OSBPL3: variants seen among roughly 807,000 people sequenced by gnomAD.
OSBPL3 encodes the protein oxysterol-binding protein-related protein 3.
A neutral mutation model predicts 120.1 loss-of-function variants in OSBPL3; 65 were observed. The observed-to-expected ratio is 0.54, with a 90% CI of 0.44 to 0.67. The LOEUF is 0.67. OSBPL3 is among the 30% of genes least tolerant of loss of function. OSBPL3 has a pLI of 0.00. For synonymous variants in OSBPL3, 416 were observed against 402.6 expected, an observed-to-expected ratio of 1.03 and a Z score of -0.40; for missense variants, 1,004 against 1,082.1, an observed-to-expected ratio of 0.93 and a Z score of 1.01.
rs1043435191 is a variant in OSBPL3, at chr7:24,824,904, C to T, written c.1885-4666G>A. 1.3e-5 allele frequency among the ~76,000 whole-genome samples: 2 copies of T among 152,064 alleles called. No homozygotes were observed. Among genetic ancestry groups the T allele is most frequent in the African/African-American group, 2.4e-5 (1 of 41,402 alleles). On this transcript the variant is annotated intron_variant, in intron 16 of 22. Transcript: ENST00000313367. This position sits in a 1 kb window ranked among gnomAD's most constrained non-coding sequence, Gnocchi z 4.9. ...ACCATGCAGATATCTGAGAGAAGCA[C>T]GTCCCAGGCAGGGGACACAGCAAAG... is the stretch of plus-strand genomic sequence containing the variant.
chr7:24,828,241 G>A (rs1795926735), intron 16 of OSBPL3, among the ~76,000 whole-genome samples: 2 of 152,236 alleles, frequency 1.3e-5, no homozygotes, highest in Non-Finnish European at 1.5e-5. Flanking sequence ...AGCCAGGCTT[G>A]TCTCGAACTC....
intron 18 of OSBPL3, 91 bp downstream of exon 18, chr7:24,816,519 C>G: frequency 2.5e-6 from 2 of 798,008 alleles, no homozygotes; most frequent in Non-Finnish European, 4.4e-6. Flanking sequence ...CTCAATGCAA[C>G]TGCCGGGGGC....
intron 1 of OSBPL3, among the ~76,000 whole-genome samples, chr7:24,917,505 A>T (rs1158872544): frequency 6.8e-6 from 1 of 147,086 alleles, no homozygotes; most frequent in Non-Finnish European, 1.5e-5. Context: ...AGGGAGTTTC[A>T]TCAATTTTTT....
At chr7:24,917,401 C>CATACATATATAT (rs370274395) in intron 1 of OSBPL3, among the ~76,000 whole-genome samples, 26 of 100,050 alleles carry the variant, frequency 2.6e-4, no homozygotes, top group African/African-American at 9.6e-4. Context: ...ATATTTGTAA[C>CATACATATATAT]ATATATATAT....
Position 24,932,681 on chromosome 7 carries a change from C to A in OSBPL3, c.-149-40060G>T, listed in dbSNP as rs771813024. 6.6e-6 allele frequency among the ~76,000 whole-genome samples: 1 copy of A among 152,174 alleles called. No individual in the cohort carries two copies. Among genetic ancestry groups the A allele is most frequent in the Non-Finnish European group, 1.5e-5 (1 of 68,028 alleles). Reference sequence around the variant, plus strand: ...TCCCAAGACACCAAATCCAATAGTACTTCGATCTTGCATTTTCCAGCCTCC... The same window carrying A: ...TCCCAAGACACCAAATCCAATAGTAATTCGATCTTGCATTTTCCAGCCTCC... On this transcript the variant is annotated intron_variant, in intron 1 of 22. Transcript: ENST00000313367. The surrounding 1 kb of genome is among the most constrained non-coding windows in gnomAD (Gnocchi z 5.6).
chr7:24,879,930 T>A lies in OSBPL3; in HGVS notation c.97-7861A>T, dbSNP rs10229012. ...TTTGTTAAATATTCCCCTAATTGTATCAAGCCCCTTAAAGCTACAAACAGC... is the reference window on the plus strand; with the variant it reads ...TTTGTTAAATATTCCCCTAATTGTAACAAGCCCCTTAAAGCTACAAACAGC... On this transcript the variant is annotated intron_variant, in intron 2 of 22. Coordinates refer to ENST00000313367, the MANE Select transcript of OSBPL3 (RefSeq NM_015550.4). This position sits in a 1 kb window ranked among gnomAD's most constrained non-coding sequence, Gnocchi z 5.6. Among the ~76,000 whole-genome samples the A allele has an allele frequency of 0.13, 19,168 of 152,162 alleles. 1,888 individuals carry two copies. Among genetic ancestry groups the A allele is most frequent in the East Asian group, 0.54 (2,771 of 5,158 alleles).
intron 17 of OSBPL3, 151 bp from the exon 18 acceptor site, chr7:24,816,839 G>A (rs35967932): frequency 0.18 from 113,017 of 621,728 alleles, 11,877 homozygotes; most frequent in Non-Finnish European, 0.21. Context: ...TAAAATATAA[G>A]TACCAACCCC....
At chr7:24,935,156 T>C (rs1027926511) in intron 1 of OSBPL3, among the ~76,000 whole-genome samples, 1 of 152,044 alleles carries the variant, frequency 6.6e-6, no homozygotes, top group East Asian at 1.9e-4. Context: ...AAAACAGGCA[T>C]GAGGGAGGCT....
intron 1 of OSBPL3, among the ~76,000 whole-genome samples, chr7:24,957,950 T>C (rs1815268753): frequency 2.0e-5 from 3 of 152,088 alleles, no homozygotes; most frequent in African/African-American, 4.8e-5. Flanking sequence ...GACTGTTCCA[T>C]ATCAATAAGG....
At position 24,969,000 on chromosome 7, in the gene OSBPL3, G is replaced by A. The variant is rs1363706353; in HGVS notation, c.-150+10886C>T. The stretch of plus-strand genomic sequence containing the variant: ...ATCATTTTGTGAATTTTGCATATCT[G>A]TAGGATAAAGTTCTTAGGACTGTTA... On this transcript the variant is annotated intron_variant, in intron 1 of 22. Coordinates refer to ENST00000313367, the MANE Select transcript of OSBPL3 (RefSeq NM_015550.4). This position sits in a 1 kb window ranked among gnomAD's most constrained non-coding sequence, Gnocchi z 4.6. Among the ~76,000 whole-genome samples the A allele has an allele frequency of 6.6e-6, 1 of 152,156 alleles. No homozygotes were observed. The highest frequency in any genetic ancestry group is 1.5e-5 in the Non-Finnish European group (1 of 68,022).
intron 16 of OSBPL3, among the ~76,000 whole-genome samples, chr7:24,828,615 AAAAAAAG>A (rs1477162781): frequency 7.7e-6 from 1 of 129,132 alleles, no homozygotes; most frequent in Non-Finnish European, 1.5e-5. Context: ...TGAAAAAAAA[AAAAAAAG>A]AAAAAAAAAA....
chr7:24,872,120 T>C lies in OSBPL3; in HGVS notation c.97-51A>G, dbSNP rs1400070385. On this transcript the variant is annotated intron_variant, in intron 2 of 22. Coordinates refer to ENST00000313367, the MANE Select transcript of OSBPL3 (RefSeq NM_015550.4). This position sits in a 1 kb window ranked among gnomAD's most constrained non-coding sequence, Gnocchi z 4.1. ...AAATGTCTATCTTTTTGAAAAATAATAATGGTAAAAAGCACTGCATCCTGT... is the reference window on the plus strand; with the variant it reads ...AAATGTCTATCTTTTTGAAAAATAACAATGGTAAAAAGCACTGCATCCTGT... 3.1e-6 allele frequency: 4 copies of C among 1,287,604 alleles called. No individual in the cohort carries two copies. Among genetic ancestry groups the C allele is most frequent in the Non-Finnish European group, 4.5e-6 (4 of 884,072 alleles). The allele number at this position is 1,287,604 out of a possible 1,614,324, so 79.8% of individuals were successfully genotyped here. A position where few individuals can be genotyped will look rare whatever the true frequency, so the allele number is the denominator to read the frequency against.
chr7:24,838,468 C>T (rs977213016), intron 14 of OSBPL3, among the ~76,000 whole-genome samples: 1 of 152,184 alleles, frequency 6.6e-6, no homozygotes, highest in African/African-American at 2.4e-5. Context: ...TGCACTCCAG[C>T]CTGGGCGACA....
rs1803716683 is a variant in OSBPL3 at position 24,881,764 on chromosome 7, T to C, written c.97-9695A>G. Among the ~76,000 whole-genome samples the C allele has an allele frequency of 6.6e-6, 1 of 152,050 alleles. No homozygotes were observed. The highest frequency in any genetic ancestry group is 2.4e-5 in the African/African-American group (1 of 41,396). Reference sequence around the variant, plus strand: ...CTCTAGCCGTTCTGGAGGCCAGAGGTCCAAAATCAAAGTGTTGGCAGGTCC... The same window carrying C: ...CTCTAGCCGTTCTGGAGGCCAGAGGCCCAAAATCAAAGTGTTGGCAGGTCC... On this transcript the variant is annotated intron_variant, in intron 2 of 22. Transcript: ENST00000313367. The surrounding 1 kb of genome is among the most constrained non-coding windows in gnomAD (Gnocchi z 4.3).
intron 16 of OSBPL3, among the ~76,000 whole-genome samples, chr7:24,823,466 G>A (rs1013548871): frequency 6.6e-6 from 1 of 152,140 alleles, no homozygotes; most frequent in African/African-American, 2.4e-5. Flanking sequence ...GTTCTGGCCA[G>A]CAAAGAGCTT....
intron 5 of OSBPL3, among the ~76,000 whole-genome samples, chr7:24,868,465 T>A (rs117149590): frequency 0.08 from 12,178 of 151,626 alleles, 704 homozygotes; most frequent in Non-Finnish European, 0.12. Flanking sequence ...TATGAAGCTG[T>A]AATTTAAGAT....
At chr7:24,888,191 G>A (rs1804814981) in intron 2 of OSBPL3, among the ~76,000 whole-genome samples, 1 of 152,016 alleles carries the variant, frequency 6.6e-6, no homozygotes, top group African/African-American at 2.4e-5. Flanking sequence ...TGGGCATTCA[G>A]GACTTTCACA....
rs897378881 is a variant in OSBPL3 at position 24,830,786 on chromosome 7, G to T, written c.1866C>A (p.Phe622Leu). 3 of 1,610,558 alleles carry T rather than the reference G, an allele frequency of 1.9e-6. No homozygotes were observed. Among genetic ancestry groups the T allele is most frequent in the African/African-American group, 2.7e-5 (2 of 74,634 alleles). Residue 622 changes from phenylalanine (F) to leucine (L), a missense_variant, in exon 16 of 23, where the codon TTC (phenylalanine) becomes TTA (leucine). This residue lies in a region of OSBPL3 where 473 missense variants were observed against 568.0 expected (regional missense o/e 0.83). Coordinates refer to ENST00000313367, the MANE Select transcript of OSBPL3 (RefSeq NM_015550.4). The surrounding 1 kb of genome is among the most constrained non-coding windows in gnomAD (Gnocchi z 4.4). ...CATCTACCTGTTCTGAAAAAAACTG[G>T]AAGCCCTTGTCCTCCCGAATACATT... ...TYECIREDKG[F>L]QFFSEQVSHH...
Position 24,819,678 on chromosome 7 carries a change from T to A in OSBPL3, c.1948+497A>T, listed in dbSNP as rs1024904044. On this transcript the variant is annotated intron_variant, in intron 17 of 22. Coordinates refer to ENST00000313367, the MANE Select transcript of OSBPL3 (RefSeq NM_015550.4). The surrounding 1 kb of genome is among the most constrained non-coding windows in gnomAD (Gnocchi z 4.1). ...GTTCCTTCTACAGTACACTTTTTTT[T>A]AATAAATTGAGAGATTAACAAAATT... Among the ~76,000 whole-genome samples, 9 of 152,192 alleles carry A rather than the reference T, an allele frequency of 5.9e-5. No homozygotes were observed. The highest frequency in any genetic ancestry group is 2.0e-4 in the Admixed American group (3 of 15,276).
Sources: allele counts gnomAD v4.1 joint callset (sites outside exome capture counted in the v4.1 genomes callset), GRCh38; gene constraint gnomAD v4.1.1; regional missense constraint gnomAD v4.1.1; non-coding constraint Gnocchi (gnomAD v3.1); transcripts MANE v1.5; gene names NCBI Gene and HGNC (gene_info 2026-07-23, HGNC 2026-07-21).